The following CSNK1G1 variants were observed in gnomAD, a reference collection of about 807,000 sequenced individuals.
CSNK1G1 encodes casein kinase 1 gamma 1, also known as casein kinase I isoform gamma-1.
In CSNK1G1, 22 loss-of-function variants were observed where a neutral mutation model predicts 59.6. The ratio of observed to expected loss-of-function variants is 0.37; its 90% CI spans 0.26 to 0.53. CSNK1G1 has a LOEUF of 0.53. Ranked by LOEUF, CSNK1G1 falls within the 20% of genes least tolerant of loss-of-function variation. The pLI is 0.89. For synonymous variants in CSNK1G1, 179 were observed against 177.1 expected (o/e 1.01, Z -0.08); for missense variants, 384 against 519.5 (o/e 0.74, Z 2.54).
intron 1 of CSNK1G1, among the ~76,000 whole-genome samples, chr15:64,355,426 AG>A (rs1158942463): frequency 1.3e-5 from 2 of 152,148 alleles, no homozygotes; most frequent in African/African-American, 4.8e-5. Flanking sequence ...CGTGGGGGCG[AG>A]GAAACAGTAA....
chr15:64,196,194 G>A (rs896915081), intron 10 of CSNK1G1, among the ~76,000 whole-genome samples: 13 of 152,122 alleles, frequency 8.5e-5, no homozygotes, highest in Non-Finnish European at 1.8e-4. Context: ...TCTATCCTGA[G>A]AGGTGGAGTG....
intron 3 of CSNK1G1, among the ~76,000 whole-genome samples, chr15:64,258,034 C>G (rs2140328170): frequency 6.6e-6 from 1 of 152,262 alleles, no homozygotes; most frequent in Non-Finnish European, 1.5e-5. Flanking sequence ...CAGTTCCTCA[C>G]AAGACAACCC....
intron 10 of CSNK1G1, among the ~76,000 whole-genome samples, chr15:64,189,139 T>C (rs896074298): frequency 2.0e-5 from 3 of 151,896 alleles, no homozygotes; most frequent in African/African-American, 7.3e-5. Flanking sequence ...AAAATAATAA[T>C]AATAATAACA....
chr15:64,206,434 C>T (rs1378276592), intron 7 of CSNK1G1, among the ~76,000 whole-genome samples: 3 of 151,516 alleles, frequency 2.0e-5, no homozygotes, highest in East Asian at 1.9e-4. Flanking sequence ...AGCGAGAGTC[C>T]GTCTCAAAAC....
At chr15:64,314,605 T>C (rs1896174339) in intron 1 of CSNK1G1, among the ~76,000 whole-genome samples, 1 of 151,762 alleles carries the variant, frequency 6.6e-6, no homozygotes, top group African/African-American at 2.4e-5. Context: ...GCTGAGATTT[T>C]GTTCCCTTTA....
At chr15:64,264,280 A>G (rs1892863098) in intron 2 of CSNK1G1, among the ~76,000 whole-genome samples, 1 of 152,210 alleles carries the variant, frequency 6.6e-6, no homozygotes, top group Non-Finnish European at 1.5e-5. Flanking sequence ...ATCTGAAGAA[A>G]TGGAATAGTT....
chr15:64,202,149 C>T (rs903633032), intron 10 of CSNK1G1, among the ~76,000 whole-genome samples: 3 of 152,270 alleles, frequency 2.0e-5, no homozygotes, highest in Non-Finnish European at 4.4e-5. Context: ...CAGATGACAT[C>T]GCCTAAGCTG....
At chr15:64,243,807 T>C (rs879447295) in intron 4 of CSNK1G1, among the ~76,000 whole-genome samples, 7 of 150,568 alleles carry the variant, frequency 4.6e-5, no homozygotes, top group Admixed American at 2.6e-4. Context: ...GAAGTGGAGG[T>C]TGCAGTGAGC....
chr15:64,344,278 T>C (rs1897828522), intron 1 of CSNK1G1, among the ~76,000 whole-genome samples: 2 of 152,204 alleles, frequency 1.3e-5, no homozygotes, highest in Non-Finnish European at 2.9e-5. Flanking sequence ...CTTCAAGCCC[T>C]GAATTCACCA....
At chr15:64,261,782 A>G (rs1892703709) in intron 2 of CSNK1G1, among the ~76,000 whole-genome samples, 1 of 151,894 alleles carries the variant, frequency 6.6e-6, no homozygotes, top group South Asian at 2.1e-4. Flanking sequence ...GTCTCTACTA[A>G]AAATACAAAA....
In CSNK1G1 at chr15:64,214,022, T is replaced by A; in HGVS notation, c.547A>T (p.Ile183Leu). ...GCCAGTCCAAAGTCTATAATGTGTA[T>A]AACATGCTCTTTCTTATTGCCTTGT... ...GRQGNKKEHV[I>L]HIIDFGLAKE... Residue 183 changes from isoleucine (I) to leucine (L), a missense_variant, in exon 6 of 12, where the codon ATA becomes TTA. Transcript: ENST00000303052. The surrounding 1 kb of genome is among the most constrained non-coding windows in gnomAD (Gnocchi z 4.3). 1 of 1,614,116 alleles carries A rather than the reference T, an allele frequency of 6.2e-7. No individual in the cohort carries two copies. Among genetic ancestry groups the A allele is most frequent in the Non-Finnish European group, 8.5e-7 (1 of 1,179,960 alleles).
Position 64,209,380 on chromosome 15 carries a change from T to C in CSNK1G1, c.680-1786A>G, listed in dbSNP as rs182093719. Among the ~76,000 whole-genome samples the C allele has an allele frequency of 3.9e-5, 6 of 152,296 alleles. No individual in the cohort carries two copies. The East Asian group carries it at 1.2e-3, about 29-fold the overall frequency. The stretch of plus-strand genomic sequence containing the variant: ...TACAGAAGTGCAACATGTTTAACTA[T>C]TGCCTTAAATTATAGGGAATTTGCA... On this transcript the variant is annotated intron_variant, in intron 6 of 11. Transcript: ENST00000303052.
chr15:64,185,776 C>G (rs62024560), intron 10 of CSNK1G1, among the ~76,000 whole-genome samples: 8,511 of 150,654 alleles, frequency 0.056, 734 homozygotes, highest in African/African-American at 0.19. Flanking sequence ...ACAGGAGAAT[C>G]GCTTGAACCC....
chr15:64,240,438 G>A (rs1315732035), intron 4 of CSNK1G1, among the ~76,000 whole-genome samples: 1 of 152,022 alleles, frequency 6.6e-6, no homozygotes, highest in Non-Finnish European at 1.5e-5. Flanking sequence ...CAGGTCCAGG[G>A]AGCTCAAAGG....
intron 7 of CSNK1G1, among the ~76,000 whole-genome samples, chr15:64,205,476 A>G (rs960863834): frequency 6.6e-6 from 1 of 152,030 alleles, no homozygotes; most frequent in African/African-American, 2.4e-5. Context: ...TGGTACAGCC[A>G]TGGCTAACAG....
At chr15:64,215,372 C>T (rs1465455343) in intron 5 of CSNK1G1, among the ~76,000 whole-genome samples, 3 of 151,936 alleles carry the variant, frequency 2.0e-5, no homozygotes, top group Non-Finnish European at 2.9e-5. Context: ...GCCACCACGC[C>T]CAGCTAATTT....
rs375937282 is a variant in CSNK1G1, at chr15:64,352,843, C to G, written c.-225+3145G>C. 8.6e-5 allele frequency among the ~76,000 whole-genome samples: 13 copies of G among 151,998 alleles called. No individual in the cohort carries two copies. The East Asian group carries it at 2.5e-3, about 30-fold the overall frequency. ...TTGGCTCATGCCTGTAATCCCAGCA[C>G]TTTGGGAGGCCAAAGCTGGCGGATC... On this transcript the variant is annotated intron_variant, in intron 1 of 11. Transcript: ENST00000303052.
intron 2 of CSNK1G1, 140 bp from the exon 3 acceptor site, chr15:64,259,381 A>G: frequency 1.6e-6 from 1 of 616,006 alleles, no homozygotes. Flanking sequence ...ATAAGCGAAA[A>G]GCTACAGAGA....
In CSNK1G1 at chr15:64,278,433, T is replaced by TA. The variant is rs1491227224; in HGVS notation, c.182-19193_182-19192insT. The stretch of plus-strand genomic sequence containing the variant: ...GTGTGTGTGTGTATATATATATATA[T>TA]TTTTTTTTTTTTGGACACAGAGTCT... On this transcript the variant is annotated intron_variant, in intron 2 of 11. Transcript: ENST00000303052. 2.2e-3 allele frequency among the ~76,000 whole-genome samples: 269 copies of TA among 123,352 alleles called. 3 individuals are homozygous for TA. Among genetic ancestry groups the TA allele is most frequent in the East Asian group, 5.5e-3 (24 of 4,356 alleles). The allele number at this position is 123,352 out of a possible 152,430, so 80.9% of individuals were successfully genotyped here.
Sources: allele counts gnomAD v4.1 joint callset (sites outside exome capture counted in the v4.1 genomes callset), GRCh38; gene constraint gnomAD v4.1.1; non-coding constraint Gnocchi (gnomAD v3.1); transcripts MANE v1.5; gene names NCBI Gene and HGNC (gene_info 2026-07-23, HGNC 2026-07-21).